Variants in SDK1 observed in about 807,000 individuals in gnomAD.
The protein encoded by SDK1 is protein sidekick-1.
SDK1 carries 157 observed loss-of-function variants against 245.5 expected under a neutral mutation model. That is an observed-to-expected ratio of 0.64 (90% CI 0.56 to 0.73). SDK1 has a LOEUF of 0.73. Among genes scored for constraint, SDK1 ranks in the 30% least tolerant of loss-of-function variants. SDK1 has a pLI of 0.00. For missense variants in SDK1, 3,583 were observed against 3,002.3 expected (o/e 1.19, Z -4.52); for synonymous variants, 1,647 against 1,278.5 (o/e 1.29, Z -6.15).
intron 1 of SDK1, among the ~76,000 whole-genome samples, chr7:3,472,262 C>G (rs1007939122): frequency 6.6e-6 from 1 of 152,058 alleles, no homozygotes; most frequent in Non-Finnish European, 1.5e-5. Context: ...TTTTGTAATA[C>G]CTTTGACTAG....
At chr7:3,404,761 C>G (rs1337479240) in intron 1 of SDK1, among the ~76,000 whole-genome samples, 2 of 152,136 alleles carry the variant, frequency 1.3e-5, no homozygotes, top group African/African-American at 4.8e-5. Context: ...CTTTTAAATG[C>G]TACTGTAATT....
At chr7:3,453,338 A>C (rs1780576247) in intron 1 of SDK1, among the ~76,000 whole-genome samples, 1 of 152,226 alleles carries the variant, frequency 6.6e-6, no homozygotes, top group Non-Finnish European at 1.5e-5. Context: ...GGTGGGCCAA[A>C]TAATGTTATT....
At chr7:3,787,971 T>G (rs1187973581) in intron 4 of SDK1, among the ~76,000 whole-genome samples, 1 of 152,158 alleles carries the variant, frequency 6.6e-6, no homozygotes, top group Admixed American at 6.5e-5. Flanking sequence ...ATAGGAGAGT[T>G]AGTTTCTTAG....
At chr7:3,583,060 G>C (rs1447876661) in intron 1 of SDK1, among the ~76,000 whole-genome samples, 3 of 152,196 alleles carry the variant, frequency 2.0e-5, no homozygotes, top group Admixed American at 2.0e-4. Context: ...GCAGGGGTAG[G>C]GATGGGAGTA....
At chr7:3,765,214 A>G (rs942505635) in intron 4 of SDK1, among the ~76,000 whole-genome samples, 3 of 152,174 alleles carry the variant, frequency 2.0e-5, no homozygotes, top group African/African-American at 7.2e-5. Context: ...TTTACTCAGG[A>G]TAATGTTTCT....
chr7:3,746,873 A>G lies in SDK1; in HGVS notation c.714-74577A>G, dbSNP rs542190340. ...AATGTTGATATTTTGACCTCCTCTC[A>G]TGAATCCCGAATGTTCTTGATGGCA... is the stretch of plus-strand genomic sequence containing the variant. On this transcript the variant is annotated intron_variant, in intron 4 of 44. Transcript: ENST00000404826. Among the ~76,000 whole-genome samples, 196 of 152,276 alleles carry G rather than the reference A, an allele frequency of 1.3e-3. 1 individual carries two copies. Among genetic ancestry groups the G allele is most frequent in the African/African-American group, 4.5e-3 (189 of 41,554 alleles).
chr7:3,857,060 C>T (rs1219431777), intron 5 of SDK1, among the ~76,000 whole-genome samples: 1 of 152,030 alleles, frequency 6.6e-6, no homozygotes, highest in African/African-American at 2.4e-5. Flanking sequence ...CAGAATTACA[C>T]TATGAAAAAA....
intron 5 of SDK1, among the ~76,000 whole-genome samples, chr7:3,822,781 A>G (rs1346595936): frequency 6.6e-6 from 1 of 152,154 alleles, no homozygotes; most frequent in South Asian, 2.1e-4. Context: ...AAAGAAAAAA[A>G]AAAAAAAGAA....
intron 1 of SDK1, among the ~76,000 whole-genome samples, chr7:3,575,538 A>G (rs1438124658): frequency 1.3e-5 from 2 of 151,898 alleles, no homozygotes; most frequent in East Asian, 1.9e-4. Context: ...GTGAGGGGGG[A>G]CACCCACATT....
chr7:3,377,765 T>G (rs1421434788), intron 1 of SDK1, among the ~76,000 whole-genome samples: 1 of 152,012 alleles, frequency 6.6e-6, no homozygotes, highest in Non-Finnish European at 1.5e-5. Context: ...ATATTTTTAT[T>G]TTATCATTTA....
chr7:3,626,078 G>A (rs1782110893), intron 2 of SDK1, among the ~76,000 whole-genome samples: 12 of 151,626 alleles, frequency 7.9e-5, no homozygotes, highest in Admixed American at 7.9e-4. Context: ...CTAGTAGCTG[G>A]GATCACAAAT....
chr7:4,097,475 G>A (rs534753956), intron 22 of SDK1, among the ~76,000 whole-genome samples: 1 of 152,340 alleles, frequency 6.6e-6, no homozygotes, highest in African/African-American at 2.4e-5. Flanking sequence ...GTGAGCAGGT[G>A]GACAGGGCAT....
chr7:4,248,898 C>G (rs186235985), intron 44 of SDK1, among the ~76,000 whole-genome samples: 1 of 152,054 alleles, frequency 6.6e-6, no homozygotes, highest in Non-Finnish European at 1.5e-5. Flanking sequence ...TACAAGCACA[C>G]ATGCATACCA....
chr7:4,003,465 GTC>G (rs886782007), intron 14 of SDK1, among the ~76,000 whole-genome samples: 2 of 152,188 alleles, frequency 1.3e-5, no homozygotes, highest in Admixed American at 1.3e-4. Context: ...GAGCTCCGCA[GTC>G]TCTCCCTGAT....
chr7:4,207,727 C>A (rs1336741984), intron 36 of SDK1, among the ~76,000 whole-genome samples: 2 of 152,064 alleles, frequency 1.3e-5, no homozygotes, highest in East Asian at 3.9e-4. Context: ...GGCCAAAAAT[C>A]AAAACACCAA....
chr7:3,334,846 C>A (rs1780158465), intron 1 of SDK1, among the ~76,000 whole-genome samples: 1 of 152,280 alleles, frequency 6.6e-6, no homozygotes, highest in African/African-American at 2.4e-5. Flanking sequence ...AGGCTTCTCA[C>A]ATCTAATATG....
chr7:3,801,527 A>G (rs1306043667), intron 4 of SDK1, among the ~76,000 whole-genome samples: 3 of 152,120 alleles, frequency 2.0e-5, no homozygotes, highest in Non-Finnish European at 2.9e-5. Context: ...CTCTCTCTCT[A>G]TCGTCCTCTC....
At chr7:3,667,983 G>A (rs1783587759) in intron 4 of SDK1, among the ~76,000 whole-genome samples, 1 of 152,178 alleles carries the variant, frequency 6.6e-6, no homozygotes, top group Non-Finnish European at 1.5e-5. Context: ...TTTCTGGTAA[G>A]TGTATGTTTA....
intron 4 of SDK1, among the ~76,000 whole-genome samples, chr7:3,694,767 A>G (rs1228893346): frequency 2.6e-5 from 4 of 152,268 alleles, no homozygotes; most frequent in South Asian, 2.1e-4. Context: ...CGTTTTTACA[A>G]ACATCCCTGG....
Sources: gnomAD v4.1 joint callset for allele counts (sites outside exome capture counted in the v4.1 genomes callset) on GRCh38, gnomAD v4.1.1 for gene constraint, MANE v1.5 for transcripts, NCBI Gene and HGNC (gene_info 2026-07-23, HGNC 2026-07-21) for gene names.